DPH1: variants seen among roughly 807,000 people sequenced by gnomAD.
The protein encoded by DPH1 is diphthamide biosynthesis 1.
In DPH1, 59 loss-of-function variants were observed where a neutral mutation model predicts 55.3. That is an observed-to-expected ratio of 1.07 (90% confidence interval 0.87 to 1.33). The LOEUF (loss-of-function observed/expected upper bound fraction) is 1.33. Among genes scored for constraint, DPH1 ranks in the 40% most tolerant of loss-of-function variants. The pLI is 0.00. For synonymous variants in DPH1, 238 were observed against 235.5 expected (o/e 1.01, Z -0.10); for missense variants, 628 against 584.8 (o/e 1.07, Z -0.76).
Position 2,043,107 on chromosome 17 carries a change from G to T in DPH1, c.*521G>T, listed in dbSNP as rs750062925. The T allele has an allele frequency of 1.9e-6, 3 of 1,612,070 alleles. No homozygotes were observed. Among genetic ancestry groups the T allele is most frequent in the Non-Finnish European group, 2.5e-6 (3 of 1,178,994 alleles). On this transcript the variant is annotated 3_prime_UTR_variant, in exon 13 of 13. Transcript: ENST00000263083. The stretch of plus-strand genomic sequence containing the variant: ...TCTTGGACCAGTTTGCAGAGTGAAA[G>T]ATCAAGAAATGTCTCTGCTCCTACA...
In DPH1 at chr17:2,033,501, C is replaced by T; in HGVS notation, c.62-4C>T. ...CACCAACTCAGGCCTTATATCCATTCTAGGTCGGGCCCCTCGGGGCCGCGT... is the reference window on the plus strand; with the variant it reads ...CACCAACTCAGGCCTTATATCCATTTTAGGTCGGGCCCCTCGGGGCCGCGT... On this transcript the variant is annotated splice_polypyrimidine_tract_variant and splice_region_variant and intron_variant, in intron 1 of 12. Coordinates refer to ENST00000263083, the MANE Select transcript of DPH1 (RefSeq NM_001383.6). The T allele has an allele frequency of 6.2e-7, 1 of 1,613,990 alleles. No individual in the cohort carries two copies. The highest frequency in any genetic ancestry group is 1.1e-5 in the South Asian group (1 of 91,090).
In DPH1 at chr17:2,039,950, T is replaced by C. The variant is rs878883548; in HGVS notation, c.749+127T>C. 7.1e-6 allele frequency: 10 copies of C among 1,404,606 alleles called. 1 individual carries two copies. In the South Asian group the frequency reaches 1.2e-4, roughly 17 times the overall value. 87.0% of individuals were successfully genotyped at this position (1,404,606 alleles called of 1,614,324 possible). A position where few individuals can be genotyped will look rare whatever the true frequency, so the allele number is the denominator to read the frequency against. On this transcript the variant is annotated intron_variant, in intron 7 of 12. Coordinates refer to ENST00000263083, the MANE Select transcript of DPH1 (RefSeq NM_001383.6). ...CACCAGCCCTAAGGGTCTGAGGCAC[T>C]TGGGCCCTGGATCTGGGCATTAGCC...
Position 2,030,155 on chromosome 17 carries a change from A to G in DPH1, c.-15A>G, listed in dbSNP as rs534743578. The G allele has an allele frequency of 6.2e-7, 1 of 1,601,316 alleles. No homozygotes were observed. The highest frequency in any genetic ancestry group is 8.5e-7 in the Non-Finnish European group (1 of 1,175,004). ...TCCAGCGCTGTCTTTTTAGTACCAC[A>G]TGCGCAGGCAGGTGATGGCGGCGCT... is the stretch of plus-strand genomic sequence containing the variant. On this transcript the variant is annotated 5_prime_UTR_variant, in exon 1 of 13. An upstream start codon of the reference 5' UTR is lost. Transcript: ENST00000263083.
intron 3 of DPH1, 50 bp downstream of exon 3, chr17:2,033,892 C>T: frequency 2.5e-6 from 4 of 1,606,006 alleles, no homozygotes; most frequent in Non-Finnish European, 3.4e-6. Flanking sequence ...TCCCCCACCC[C>T]CTATGCTCAT....
Position 2,035,979 on chromosome 17 carries a change from G to T in DPH1, c.288G>T (p.Glu96Asp). ...TIVDILERFTEAEVMVMGDVT... is the reference protein window; with the variant it reads ...TIVDILERFTDAEVMVMGDVT... ...GCCCCTGTGCCCGCAGGTTCACGGA[G>T]GCCGAAGTGATGGTGATGGGTGACG... Residue 96 changes from glutamate (E) to aspartate (D), a missense_variant, in exon 4 of 13, where the codon GAG (glutamate) becomes GAT (aspartate). Glu to Asp is a conservative substitution (Grantham distance 45). Transcript: ENST00000263083. The T allele has an allele frequency of 2.5e-6, 4 of 1,613,936 alleles. No homozygotes were observed. The highest frequency in any genetic ancestry group is 3.4e-6 in the Non-Finnish European group (4 of 1,179,918).
At chr17:2,035,193 G>T (rs539052234) in intron 3 of DPH1, among the ~76,000 whole-genome samples, 47 of 152,054 alleles carry the variant, frequency 3.1e-4, no homozygotes, top group African/African-American at 1.1e-3. Flanking sequence ...GGAAGAGGGG[G>T]TTCTCCTCCA....
At chr17:2,038,147 C>CAAA (rs201391773) in intron 6 of DPH1, among the ~76,000 whole-genome samples, 4 of 108,778 alleles carry the variant, frequency 3.7e-5, no homozygotes, top group African/African-American at 7.4e-5. Context: ...CTGTTCTCTC[C>CAAA]AAAAAAAAAA....
At chr17:2,042,402 C>T (rs1000112259) in intron 12 of DPH1, 153 of 1,252,594 alleles carry the variant, frequency 1.2e-4, no homozygotes, top group Admixed American at 3.6e-4. Context: ...AGCCTGTCCT[C>T]CCAGGCTTCC....
chr17:2,043,289 C>T lies in DPH1; in HGVS notation c.*703C>T. The T allele has an allele frequency of 2.9e-6, 2 of 695,448 alleles. No homozygotes were observed. The highest frequency in any genetic ancestry group is 3.0e-5 in the Admixed American group (1 of 33,282). The allele number at this position is 695,448 out of a possible 1,614,324, so 43.1% of individuals were successfully genotyped here. On this transcript the variant is annotated 3_prime_UTR_variant, in exon 13 of 13. Coordinates refer to ENST00000263083, the MANE Select transcript of DPH1 (RefSeq NM_001383.6). Reference sequence around the variant, plus strand: ...TGCCCTGTACTGAAGAAAAGGGGAGCACAAGGCCTTAATGGACATTGACTT... The same window carrying T: ...TGCCCTGTACTGAAGAAAAGGGGAGTACAAGGCCTTAATGGACATTGACTT...
chr17:2,030,363 C>A lies in DPH1; in HGVS notation c.61+133C>A, dbSNP rs868253226. On this transcript the variant is annotated intron_variant, in intron 1 of 12. Transcript: ENST00000263083. ...GATCCCGCTGTTAGTCGCCTTGGGC[C>A]GCTGTCACCAGCTCGGGGTCGCTGT... The A allele has an allele frequency of 1.8e-3, 1,973 of 1,110,062 alleles. 20 individuals carry two copies. The African/African-American group carries it at 0.029, about 16-fold the overall frequency. The allele number at this position is 1,110,062 out of a possible 1,614,324, so 68.8% of individuals were successfully genotyped here.
Position 2,036,454 on chromosome 17 carries a change from C to CA in DPH1, c.401-74dup. 1 of 1,577,084 alleles carries CA rather than the reference C, an allele frequency of 6.3e-7. No homozygotes were observed. Among genetic ancestry groups the CA allele is most frequent in the Non-Finnish European group, 8.7e-7 (1 of 1,155,942 alleles). On this transcript the variant is annotated intron_variant, in intron 4 of 12. Coordinates refer to ENST00000263083, the MANE Select transcript of DPH1 (RefSeq NM_001383.6). This position sits in a 1 kb window ranked among gnomAD's most constrained non-coding sequence, Gnocchi z 4.8. Reference sequence around the variant, plus strand: ...GCTGAAGCCACTGCGCCTGGCTGCTCAGAGACCTGAGCCTGGCCGGGCCCT... The same window carrying CA: ...GCTGAAGCCACTGCGCCTGGCTGCTCAAGAGACCTGAGCCTGGCCGGGCCCT...
Position 2,039,669 on chromosome 17 carries a change from G to A in DPH1, c.681-86G>A, listed in dbSNP as rs114341530. 2.0e-3 allele frequency: 3,102 copies of A among 1,559,270 alleles called. 59 individuals are homozygous for A. The African/African-American group carries it at 0.037, about 18-fold the overall frequency. The stretch of plus-strand genomic sequence containing the variant: ...TGGGATTACAGGCGTGAGCCACCGC[G>A]CCCGGCCAGCCCTGTGGACTTCTAA... On this transcript the variant is annotated intron_variant, in intron 6 of 12. Coordinates refer to ENST00000263083, the MANE Select transcript of DPH1 (RefSeq NM_001383.6).
intron 6 of DPH1, 167 bp downstream of exon 6, chr17:2,037,123 C>T (rs1274858916): frequency 2.0e-6 from 2 of 1,010,234 alleles, no homozygotes; most frequent in Non-Finnish European, 1.4e-6. Flanking sequence ...CTCAGGTTTA[C>T]TGTCGCTTTC....
Position 2,033,566 on chromosome 17 carries a change from G to A in DPH1, c.123G>A (p.Gln41=), listed in dbSNP as rs2067360759. The change falls in exon 2 of 13, where the codon CAG becomes CAA. Residue 41 remains glutamine, a synonymous_variant. Transcript: ENST00000263083. ...QIPPEILKNP[Q]LQAAIRVLPS... ...CCCCTGAGATCCTGAAGAACCCTCA[G>A]CTGCAGGCAGCAATCCGGGTCCTGC... The A allele has an allele frequency of 6.2e-7, 1 of 1,614,178 alleles. No homozygotes were observed. Among genetic ancestry groups the A allele is most frequent in the African/African-American group, 1.3e-5 (1 of 75,048 alleles).
chr17:2,039,885 G>T (rs1346667088), intron 7 of DPH1, 62 bp downstream of exon 7: 1 of 1,608,018 alleles, frequency 6.2e-7, no homozygotes, highest in Non-Finnish European at 8.5e-7. Flanking sequence ...TGCCACTGAG[G>T]TCCTCAATTG....
chr17:2,042,065 C>G (rs757918340), intron 12 of DPH1, 190 bp downstream of exon 12: 6 of 1,546,632 alleles, frequency 3.9e-6, no homozygotes, highest in African/African-American at 1.4e-5. Flanking sequence ...CGCAGCGACC[C>G]CTGCGGGTCC....
rs2067377271 is a variant in DPH1, at chr17:2,034,492, C to T, written c.278+650C>T. On this transcript the variant is annotated intron_variant, in intron 3 of 12. Transcript: ENST00000263083. ...CATCGCCCTCCCCTGCTCCTCCCTC[C>T]CCCTCCCCTTCTCCCCCATCCCCCT... 2.3e-5 allele frequency among the ~76,000 whole-genome samples: 3 copies of T among 130,886 alleles called. No individual in the cohort carries two copies. In the East Asian group the frequency reaches 7.3e-4, roughly 32 times the overall value. 85.9% of individuals were successfully genotyped at this position (130,886 alleles called of 152,430 possible).
chr17:2,040,869 T>G (rs1270294565), intron 9 of DPH1: 1 of 630,552 alleles, frequency 1.6e-6, no homozygotes, highest in African/African-American at 1.8e-5. Flanking sequence ...TAAATGTGGT[T>G]CTGGGGATAC....
chr17:2,042,245 C>T (rs1343711555), intron 12 of DPH1: 2 of 1,413,216 alleles, frequency 1.4e-6, no homozygotes, highest in Non-Finnish European at 1.8e-6. Context: ...AGACAAGCCC[C>T]GCTCCGGAAA....
Sources: allele counts gnomAD v4.1 joint callset (sites outside exome capture counted in the v4.1 genomes callset), GRCh38; gene constraint gnomAD v4.1.1; non-coding constraint Gnocchi (gnomAD v3.1); transcripts MANE v1.5; gene names NCBI Gene and HGNC (gene_info 2026-07-23, HGNC 2026-07-21).